The following NSD1 variants were observed in gnomAD, a reference collection of about 807,000 sequenced individuals.
The protein encoded by NSD1 is nuclear receptor binding SET domain protein 1, also known as histone-lysine N-methyltransferase, H3 lysine-36 specific.
In NSD1, 26 loss-of-function variants were observed where a neutral mutation model predicts 242.7. That is an observed-to-expected ratio of 0.11 (90% CI 0.08 to 0.15). NSD1 has a LOEUF of 0.15. Ranked by LOEUF, NSD1 falls within the 10% of genes least tolerant of loss-of-function variation. NSD1 has a pLI of 1.00. For synonymous variants in NSD1, 1,106 were observed against 1,178.1 expected, an observed-to-expected ratio of 0.94 and a Z score of 1.25; for missense variants, 2,495 against 3,272.8, an observed-to-expected ratio of 0.76 and a Z score of 5.80.
In NSD1 at chr5:177,135,622, A is replaced by G; in HGVS notation, c.519A>G (p.Pro173=). 6 of 1,614,266 alleles carry G rather than the reference A, an allele frequency of 3.7e-6. No individual in the cohort carries two copies. Among genetic ancestry groups the G allele is most frequent in the South Asian group, 1.1e-5 (1 of 91,086 alleles). Residue 173 remains proline, a synonymous_variant, in exon 2 of 23, where the codon CCA becomes CCG. Coordinates refer to ENST00000439151, the MANE Select transcript of NSD1 (RefSeq NM_022455.5). ...DVDSEMDPEQ[P]VTEDESIEEI... is the part of the protein sequence containing the mutation. ...ATTCTGAAATGGACCCAGAACAGCC[A>G]GTCACAGAGGATGAGAGTATAGAGG...
chr5:177,231,895 ATATTAT>A (rs1258303535), intron 5 of NSD1, among the ~76,000 whole-genome samples: 1 of 151,984 alleles, frequency 6.6e-6, no homozygotes, highest in Non-Finnish European at 1.5e-5. Flanking sequence ...TCAGTTATAT[ATATTAT>A]TATTATTTTA....
At chr5:177,186,516 A>C (rs1761246676) in intron 2 of NSD1, among the ~76,000 whole-genome samples, 1 of 152,090 alleles carries the variant, frequency 6.6e-6, no homozygotes, top group Non-Finnish European at 1.5e-5. Flanking sequence ...TTGCTAGAAA[A>C]ATTCATTAGT....
intron 2 of NSD1, among the ~76,000 whole-genome samples, chr5:177,150,203 G>A (rs1198931817): frequency 6.6e-6 from 1 of 151,846 alleles, no homozygotes; most frequent in African/African-American, 2.4e-5. Flanking sequence ...GCACGATCTC[G>A]GCTCACTGCA....
intron 2 of NSD1, among the ~76,000 whole-genome samples, chr5:177,148,498 C>T (rs1407098319): frequency 6.6e-6 from 1 of 152,184 alleles, no homozygotes; most frequent in Admixed American, 6.5e-5. Flanking sequence ...GATCCTGGCT[C>T]ACTGCAACCT....
intron 2 of NSD1, among the ~76,000 whole-genome samples, chr5:177,172,555 G>T (rs1223722930): frequency 1.3e-5 from 2 of 152,154 alleles, no homozygotes; most frequent in South Asian, 2.1e-4. Flanking sequence ...TATATGGCAG[G>T]ATTTGGCAAA....
chr5:177,237,803 A>G, intron 6 of NSD1, among the ~76,000 whole-genome samples: 1 of 151,934 alleles, frequency 6.6e-6, no homozygotes, highest in Non-Finnish European at 1.5e-5. Flanking sequence ...AAAGTTCTGG[A>G]ATTACAGGCG....
At chr5:177,206,524 A>G (rs1241110849) in intron 4 of NSD1, among the ~76,000 whole-genome samples, 1 of 152,192 alleles carries the variant, frequency 6.6e-6, no homozygotes, top group East Asian at 1.9e-4. Context: ...TGAGTTCTCA[A>G]AGACTTGGTG....
At chr5:177,202,977 G>T (rs762520684) in intron 3 of NSD1, among the ~76,000 whole-genome samples, 2 of 151,970 alleles carry the variant, frequency 1.3e-5, no homozygotes, top group Non-Finnish European at 2.9e-5. Context: ...AGAAGTTACC[G>T]TTGACAGTTC....
At chr5:177,180,866 A>T (rs1028391874) in intron 2 of NSD1, among the ~76,000 whole-genome samples, 5 of 150,382 alleles carry the variant, frequency 3.3e-5, no homozygotes, top group African/African-American at 9.8e-5. Context: ...CATTTTTAGT[A>T]CAGACAGGGT....
In NSD1 at chr5:177,211,078, T is replaced by G; in HGVS notation, c.2679T>G (p.Ala893=). Residue 893 remains alanine, a synonymous_variant, in exon 5 of 23, where the codon GCT becomes GCG. Transcript: ENST00000439151. ...CAAAACCATTACTTTTCTCTTCTGC[T>G]TCTAGTCAGAATCACATACCTATTG... ...KPSKPLLFSS[A]SSQNHIPIEP... The G allele has an allele frequency of 1.2e-6, 2 of 1,614,222 alleles. No homozygotes were observed. The highest frequency in any genetic ancestry group is 2.2e-5 in the South Asian group (2 of 91,088).
rs886485004 is a variant in NSD1, at chr5:177,295,108, G to A, written c.7740G>A (p.Ala2580=). The change falls in exon 23 of 23, where the codon GCG becomes GCA. Residue 2580 remains alanine (A), a synonymous_variant. Coordinates refer to ENST00000439151, the MANE Select transcript of NSD1 (RefSeq NM_022455.5). The surrounding 1 kb of genome is among the most constrained non-coding windows in gnomAD (Gnocchi z 4.3). ...AATCCCCGGGCCTGGTGAAGCAGGC[G>A]AAGCAGATGGTCGGAGGCCAGCAAC... ...LSQSPGLVKQ[A]KQMVGGQQLP... 5 of 1,612,276 alleles carry A rather than the reference G, an allele frequency of 3.1e-6. No homozygotes were observed. Among genetic ancestry groups the A allele is most frequent in the African/African-American group, 1.3e-5 (1 of 74,816 alleles).
chr5:177,136,812 T>C, intron 2 of NSD1: 1 of 600,230 alleles, frequency 1.7e-6, no homozygotes. Context: ...TTTTGTTTTA[T>C]TTTATTTTAT....
chr5:177,276,903 T>A (rs1415517524), intron 17 of NSD1, among the ~76,000 whole-genome samples: 1 of 152,242 alleles, frequency 6.6e-6, no homozygotes, highest in African/African-American at 2.4e-5. Flanking sequence ...TTTCAAAACC[T>A]ATAATTGGAT....
At chr5:177,186,860 G>A (rs1489489741) in intron 2 of NSD1, among the ~76,000 whole-genome samples, 1 of 151,988 alleles carries the variant, frequency 6.6e-6, no homozygotes, top group Non-Finnish European at 1.5e-5. Context: ...CCAGCTATTC[G>A]AGTGGCTGAA....
At chr5:177,214,334 C>T (rs1763599286) in intron 5 of NSD1, among the ~76,000 whole-genome samples, 1 of 152,006 alleles carries the variant, frequency 6.6e-6, no homozygotes, top group Admixed American at 6.6e-5. Context: ...GGAGACAGAG[C>T]GAAACCCCAT....
At chr5:177,132,499 C>T (rs75065144), upstream of NSD1, among the ~76,000 whole-genome samples, 913 of 151,916 alleles carry the variant, frequency 6.0e-3, 7 homozygotes, top group Non-Finnish European at 0.01. The surrounding 1 kb of genome is among the most constrained non-coding windows in gnomAD (Gnocchi z 7.5). Context: ...CCCCGGCGTT[C>T]CCCTCGCCCC....
intron 14 of NSD1, among the ~76,000 whole-genome samples, chr5:177,263,442 C>G (rs1045210524): frequency 6.6e-6 from 1 of 152,160 alleles, no homozygotes; most frequent in Non-Finnish European, 1.5e-5. Flanking sequence ...TAGTATAAAC[C>G]AAGGCACTAC....
chr5:177,208,788 CG>C (rs1033310086), intron 4 of NSD1, among the ~76,000 whole-genome samples: 11 of 151,938 alleles, frequency 7.2e-5, no homozygotes, highest in African/African-American at 2.2e-4. Flanking sequence ...CTCCAACTCC[CG>C]GGTGCTAGTG....
rs1386960076 is a variant in NSD1, at chr5:177,134,524, C to G, written c.-17-563C>G. ...GCTGCGGATCCAGCAGGCCTGCATT[C>G]AGGAAGGCGAGCTCTGGGGTGCAGC... On this transcript the variant is annotated intron_variant, in intron 1 of 22. Transcript: ENST00000439151. This position sits in a 1 kb window ranked among gnomAD's most constrained non-coding sequence, Gnocchi z 4.2. Among the ~76,000 whole-genome samples, 1 of 152,212 alleles carries G rather than the reference C, an allele frequency of 6.6e-6. No homozygotes were observed. The highest frequency in any genetic ancestry group is 1.5e-5 in the Non-Finnish European group (1 of 68,032).
Sources: gnomAD v4.1 joint callset for allele counts (sites outside exome capture counted in the v4.1 genomes callset) on GRCh38, gnomAD v4.1.1 for gene constraint, Gnocchi (gnomAD v3.1) non-coding constraint, MANE v1.5 for transcripts, NCBI Gene and HGNC (gene_info 2026-07-23, HGNC 2026-07-21) for gene names.